Variants in KCNB2 observed in about 807,000 individuals in gnomAD.
KCNB2 encodes the protein potassium voltage-gated channel subfamily B member 2.
A neutral mutation model predicts 61.5 loss-of-function variants in KCNB2; 15 were observed. The ratio of observed to expected loss-of-function variants is 0.24; its 90% confidence interval spans 0.16 to 0.38. The LOEUF (loss-of-function observed/expected upper bound fraction) is 0.38, where lower values mean the gene tolerates loss of function less well. Among genes scored for constraint, KCNB2 ranks in the 10% least tolerant of loss-of-function variants. The probability of loss-of-function intolerance (pLI) is 1.00; values close to 1 mark genes in which losing one functional copy is unlikely to be tolerated. For missense variants in KCNB2, 828 were observed against 1,125.2 expected (o/e 0.74, Z 3.78); for synonymous variants, 457 against 446.0 (o/e 1.02, Z -0.31).
chr8:72,550,984 G>A lies in KCNB2; in HGVS notation c.-94+13099G>A, dbSNP rs535997845. Among the ~76,000 whole-genome samples, 5 of 152,258 alleles carry A rather than the reference G, an allele frequency of 3.3e-5. 1 individual carries two copies. In the South Asian group the frequency reaches 8.3e-4, roughly 25 times the overall value. On this transcript the variant is annotated intron_variant, in intron 1 of 2. Transcript: ENST00000523207. ...CTGCTGGAGGGGACATAGAGTTTAGGAAGAAGCCTCTTTTAAGTAGCTAGC... is the reference window on the plus strand; with the variant it reads ...CTGCTGGAGGGGACATAGAGTTTAGAAAGAAGCCTCTTTTAAGTAGCTAGC...
chr8:72,631,065 A>T (rs1563543778), intron 2 of KCNB2, among the ~76,000 whole-genome samples: 1 of 152,190 alleles, frequency 6.6e-6, no homozygotes, highest in Non-Finnish European at 1.5e-5. Context: ...ACAATAAGAG[A>T]TGAACAACAA....
intron 2 of KCNB2, among the ~76,000 whole-genome samples, chr8:72,587,132 C>T (rs2128981080): frequency 6.6e-6 from 1 of 152,156 alleles, no homozygotes; most frequent in South Asian, 2.1e-4. Context: ...CTGGATAGTG[C>T]AGAAATAACA....
intron 2 of KCNB2, among the ~76,000 whole-genome samples, chr8:72,821,641 C>CAAAAAAA (rs61090576): frequency 1.6e-5 from 2 of 125,748 alleles, no homozygotes; most frequent in African/African-American, 2.9e-5. Flanking sequence ...CAAAAAAAAA[C>CAAAAAAA]AAAAAAAAAA....
At chr8:72,861,385 G>C (rs1805404690) in intron 2 of KCNB2, among the ~76,000 whole-genome samples, 2 of 152,144 alleles carry the variant, frequency 1.3e-5, no homozygotes, top group Non-Finnish European at 2.9e-5. Context: ...ATGCTGTCTA[G>C]TTCCTCTTAC....
intron 2 of KCNB2, among the ~76,000 whole-genome samples, chr8:72,848,284 C>T (rs550012064): frequency 2.7e-4 from 41 of 152,164 alleles, no homozygotes; most frequent in Non-Finnish European, 3.5e-4. Flanking sequence ...ACCACCCCAG[C>T]CTTTAGTAGC....
chr8:72,875,538 C>CTT (rs1202722527), intron 2 of KCNB2, among the ~76,000 whole-genome samples: 2 of 7,644 alleles, frequency 2.6e-4, no homozygotes, highest in Non-Finnish European at 5.1e-4. Context: ...CATTGCAAAT[C>CTT]TTTTTTTTTT....
chr8:72,658,768 A>C (rs1806333224), intron 2 of KCNB2, among the ~76,000 whole-genome samples: 1 of 152,208 alleles, frequency 6.6e-6, no homozygotes, highest in African/African-American at 2.4e-5. Context: ...GGCTTTAAGC[A>C]TGATGCTAAA....
intron 2 of KCNB2, among the ~76,000 whole-genome samples, chr8:72,727,126 A>AT (rs1040389691): frequency 3.3e-5 from 5 of 152,194 alleles, no homozygotes; most frequent in Admixed American, 3.3e-4. Context: ...AAGCAGAAAG[A>AT]TTTTTTAATG....
In KCNB2 at chr8:72,883,161, C is replaced by G. The variant is rs57351840; in HGVS notation, c.580-52774C>G. On this transcript the variant is annotated intron_variant, in intron 2 of 2. Coordinates refer to ENST00000523207, the MANE Select transcript of KCNB2 (RefSeq NM_004770.3). Reference sequence around the variant, plus strand: ...AACATGGCTGGGGGAGGGTCCACTTCACTAGGTTTACAAAGCACAAAAATG... The same window carrying G: ...AACATGGCTGGGGGAGGGTCCACTTGACTAGGTTTACAAAGCACAAAAATG... Among the ~76,000 whole-genome samples the G allele has an allele frequency of 1.7e-3, 261 of 152,342 alleles. 2 individuals are homozygous for G. Among genetic ancestry groups the G allele is most frequent in the African/African-American group, 6.1e-3 (254 of 41,570 alleles).
At chr8:72,821,936 C>A (rs73297724) in intron 2 of KCNB2, among the ~76,000 whole-genome samples, 1,707 of 152,236 alleles carry the variant, frequency 0.011, 22 homozygotes, top group African/African-American at 0.034. Flanking sequence ...CAGTCAGTTA[C>A]CAAGTCCAGT....
chr8:72,716,627 A>C (rs1563569038), intron 2 of KCNB2, among the ~76,000 whole-genome samples: 1 of 152,220 alleles, frequency 6.6e-6, no homozygotes, highest in Non-Finnish European at 1.5e-5. Context: ...TCATGCTAAA[A>C]ACTCTCAATA....
chr8:72,900,023 A>C lies in KCNB2; in HGVS notation c.580-35912A>C, dbSNP rs1461912797. On this transcript the variant is annotated intron_variant, in intron 2 of 2. Coordinates refer to ENST00000523207, the MANE Select transcript of KCNB2 (RefSeq NM_004770.3). ...CATCTCAAAACAAAACAAAACAAAA[A>C]CAGCCTGAATAGCCAAAGCAATCCT... 2.6e-5 allele frequency among the ~76,000 whole-genome samples: 4 copies of C among 151,914 alleles called. No homozygotes were observed. In the East Asian group the frequency reaches 7.8e-4, roughly 30 times the overall value.
intron 2 of KCNB2, among the ~76,000 whole-genome samples, chr8:72,582,412 T>C (rs1324795063): frequency 1.3e-5 from 2 of 152,176 alleles, no homozygotes; most frequent in Non-Finnish European, 1.5e-5. Flanking sequence ...CATTCTACAG[T>C]TATTCTAGAG....
At chr8:72,891,514 T>C (rs1484231392) in intron 2 of KCNB2, among the ~76,000 whole-genome samples, 1 of 152,190 alleles carries the variant, frequency 6.6e-6, no homozygotes, top group Admixed American at 6.5e-5. Flanking sequence ...TCAGCTTAAA[T>C]TACAAAAGAA....
At chr8:72,762,855 CA>C (rs1201832106) in intron 2 of KCNB2, among the ~76,000 whole-genome samples, 1 of 140,880 alleles carries the variant, frequency 7.1e-6, no homozygotes, top group Non-Finnish European at 1.5e-5. Context: ...AAAAACAGAA[CA>C]AAGCAAAAAG....
chr8:72,558,672 G>A (rs992493996), intron 1 of KCNB2, among the ~76,000 whole-genome samples: 3 of 152,024 alleles, frequency 2.0e-5, no homozygotes, highest in African/African-American at 7.2e-5. Flanking sequence ...ACGTCACTTG[G>A]GGCACAATGA....
At chr8:72,570,398 C>G (rs1212242527) in intron 2 of KCNB2, among the ~76,000 whole-genome samples, 1 of 152,026 alleles carries the variant, frequency 6.6e-6, no homozygotes, top group African/African-American at 2.4e-5. Context: ...TCTACATTTT[C>G]CTCTCTGTTT....
chr8:72,651,269 T>C (rs73305875), intron 2 of KCNB2, among the ~76,000 whole-genome samples: 4,235 of 152,244 alleles, frequency 0.028, 75 homozygotes, highest in South Asian at 0.073. Context: ...ATTTGACCTA[T>C]AGTTGATTAA....
intron 2 of KCNB2, among the ~76,000 whole-genome samples, chr8:72,597,531 A>G (rs1306925260): frequency 1.3e-5 from 2 of 152,356 alleles, no homozygotes; most frequent in South Asian, 2.1e-4. Flanking sequence ...CACTGGAAAT[A>G]CCATTCACCA....
Sources: gnomAD v4.1 joint callset for allele counts (sites outside exome capture counted in the v4.1 genomes callset) on GRCh38, gnomAD v4.1.1 for gene constraint, MANE v1.5 for transcripts, NCBI Gene and HGNC (gene_info 2026-07-23, HGNC 2026-07-21) for gene names.